DCAF8L2: variants seen among roughly 807,000 people sequenced by gnomAD.
DCAF8L2 encodes the protein DDB1- and CUL4-associated factor 8-like protein 2.
For synonymous variants in DCAF8L2, 200 were observed against 190.9 expected (o/e 1.05, Z -0.39); for missense variants, 430 against 490.7 (o/e 0.88, Z 1.17).
At chrX:27,545,494 T>G in the DCAF8L2 span, among the ~76,000 whole-genome samples, 1 of 111,996 alleles carries the variant, frequency 8.9e-6, no homozygotes, top group East Asian at 2.8e-4. Context: ...GATATGGTAT[T>G]GCTTTGTGTC....
In DCAF8L2 at chrX:27,611,772, G is replaced by C. The variant is rs990472839; in HGVS notation, c.-341-20107G>C. On this transcript the variant is annotated intron_variant, in intron 1 of 4. Coordinates refer to ENST00000451261, the MANE Select transcript of DCAF8L2 (RefSeq NM_001353450.2). ...TCCATGTCCCTACAAAGGACATGAA[G>C]TCATCCTTTTTTATGGCTGCATAGT... Among the ~76,000 whole-genome samples, 62 of 110,813 alleles carry C rather than the reference G, an allele frequency of 5.6e-4. 1 individual carries two copies. Among genetic ancestry groups the C allele is most frequent in the African/African-American group, 2.0e-3 (62 of 30,431 alleles).
the DCAF8L2 span, among the ~76,000 whole-genome samples, chrX:27,563,739 T>C: frequency 8.9e-6 from 1 of 112,480 alleles, no homozygotes; most frequent in African/African-American, 3.2e-5. Flanking sequence ...CCATTTAGAC[T>C]TAATACAAAG....
the DCAF8L2 span, among the ~76,000 whole-genome samples, chrX:27,574,465 C>A: frequency 4.5e-5 from 5 of 112,166 alleles, no homozygotes; most frequent in African/African-American, 1.6e-4. Context: ...TTACATTTTC[C>A]TTCTCTCAGG....
chrX:27,639,681 A>T (rs1488942247), intron 2 of DCAF8L2, among the ~76,000 whole-genome samples: 1 of 111,360 alleles, frequency 9.0e-6, no homozygotes, highest in Non-Finnish European at 1.9e-5. Context: ...TGTTTTTATT[A>T]ATTTTTTTTC....
At chrX:27,734,787 T>C (rs1921425382) in intron 4 of DCAF8L2, among the ~76,000 whole-genome samples, 1 of 111,960 alleles carries the variant, frequency 8.9e-6, no homozygotes, top group African/African-American at 3.2e-5. Context: ...GTATTCCATT[T>C]AAATTATATT....
At chrX:27,604,592 T>A (rs1162945778) in intron 1 of DCAF8L2, among the ~76,000 whole-genome samples, 1 of 111,862 alleles carries the variant, frequency 8.9e-6, no homozygotes, top group Admixed American at 9.6e-5. Flanking sequence ...ATGAAGAATG[T>A]TATATATATG....
chrX:27,684,699 A>AATT (rs1930442064), intron 3 of DCAF8L2, among the ~76,000 whole-genome samples: 2 of 111,833 alleles, frequency 1.8e-5, no homozygotes, highest in Admixed American at 9.5e-5. Context: ...TCCGCTTAAT[A>AATT]TAATGTTCTA....
chrX:27,673,641 T>C (rs1474835083), intron 2 of DCAF8L2, among the ~76,000 whole-genome samples: 3 of 109,166 alleles, frequency 2.7e-5, no homozygotes, highest in Admixed American at 2.0e-4. Context: ...TATATATGTA[T>C]ACATGCACAT....
At chrX:27,605,935 C>G (rs1471525147) in intron 1 of DCAF8L2, among the ~76,000 whole-genome samples, 3 of 110,232 alleles carry the variant, frequency 2.7e-5, no homozygotes, top group Non-Finnish European at 5.7e-5. Flanking sequence ...TTTTCCAATC[C>G]TTTTCCTGAT....
At chrX:27,511,424 A>T in the DCAF8L2 span, among the ~76,000 whole-genome samples, 1 of 111,789 alleles carries the variant, frequency 8.9e-6, no homozygotes, top group East Asian at 2.8e-4. Context: ...AGAGGAACAG[A>T]ACAGTTTGGC....
chrX:27,512,285 AT>A, the DCAF8L2 span, among the ~76,000 whole-genome samples: 1 of 110,794 alleles, frequency 9.0e-6, no homozygotes, highest in African/African-American at 3.3e-5. Context: ...AATAAAGGAA[AT>A]GATGAGAACA....
At chrX:27,642,603 C>T (rs1440513102) in intron 2 of DCAF8L2, among the ~76,000 whole-genome samples, 1 of 111,382 alleles carries the variant, frequency 9.0e-6, no homozygotes, top group African/African-American at 3.3e-5. Context: ...CCCATCAAAA[C>T]GCCAGATACC....
intron 3 of DCAF8L2, among the ~76,000 whole-genome samples, chrX:27,682,635 C>G (rs191972734): frequency 9.1e-6 from 1 of 110,454 alleles, no homozygotes; most frequent in Non-Finnish European, 1.9e-5. Context: ...ATTAAATTTC[C>G]ATATGACAAA....
the DCAF8L2 span, among the ~76,000 whole-genome samples, chrX:27,528,091 A>T: frequency 1.5e-5 from 1 of 66,074 alleles, no homozygotes; most frequent in Non-Finnish European, 3.6e-5. Flanking sequence ...TAATTATTAG[A>T]CTAATTTTTA....
chrX:27,616,378 A>G (rs745603727), intron 1 of DCAF8L2, among the ~76,000 whole-genome samples: 1 of 111,203 alleles, frequency 9.0e-6, no homozygotes, highest in Admixed American at 9.6e-5. Flanking sequence ...TAATAAAAAA[A>G]TCAATTACCT....
the DCAF8L2 span, among the ~76,000 whole-genome samples, chrX:27,536,084 A>T: frequency 2.7e-5 from 3 of 112,039 alleles, no homozygotes; most frequent in African/African-American, 9.7e-5. Flanking sequence ...CTATAAAAAT[A>T]CTACCTCCAT....
chrX:27,696,344 GAGAA>G (rs1374016495), intron 3 of DCAF8L2, among the ~76,000 whole-genome samples: 5 of 106,294 alleles, frequency 4.7e-5, no homozygotes, highest in African/African-American at 1.7e-4. Flanking sequence ...AAGAAAGAAA[GAGAA>G]AGAAAATTGA....
intron 1 of DCAF8L2, among the ~76,000 whole-genome samples, chrX:27,595,846 GAAAC>G (rs201108106): frequency 0.15 from 16,594 of 109,242 alleles, 1,093 homozygotes; most frequent in East Asian, 0.33. Flanking sequence ...CATCTCTACT[GAAAC>G]AAACAAACAA....
the DCAF8L2 span, among the ~76,000 whole-genome samples, chrX:27,530,832 A>G: frequency 8.9e-6 from 1 of 112,004 alleles, no homozygotes. Flanking sequence ...CCTGGGCAGA[A>G]GACAAGAAAT....
Sources: allele counts gnomAD v4.1 joint callset (sites outside exome capture counted in the v4.1 genomes callset), GRCh38; gene constraint gnomAD v4.1.1; transcripts MANE v1.5; gene names NCBI Gene and HGNC (gene_info 2026-07-23, HGNC 2026-07-21).